Variants in KCNK5 observed in about 807,000 individuals in gnomAD.
KCNK5 encodes the protein potassium two pore domain channel subfamily K member 5.
In KCNK5, 18 loss-of-function variants were observed where a neutral mutation model predicts 32.9. The ratio of observed to expected loss-of-function variants is 0.55; its 90% CI spans 0.38 to 0.81. The LOEUF (loss-of-function observed/expected upper bound fraction) is 0.81. KCNK5 is among the 30% of genes least tolerant of loss of function. The pLI is 0.00. For synonymous variants in KCNK5, 276 were observed against 275.3 expected, an observed-to-expected ratio of 1.00 and a Z score of -0.03; for missense variants, 507 against 651.0, an observed-to-expected ratio of 0.78 and a Z score of 2.41.
chr6:39,195,758 C>T, intron 2 of KCNK5, 118 bp downstream of exon 2: 1 of 637,180 alleles, frequency 1.6e-6, no homozygotes, highest in Non-Finnish European at 2.8e-6. Flanking sequence ...AAAAGAATAG[C>T]CTGCAACTGA....
chr6:39,210,093 G>T (rs1221908431), intron 1 of KCNK5, among the ~76,000 whole-genome samples: 1 of 152,212 alleles, frequency 6.6e-6, no homozygotes, highest in African/African-American at 2.4e-5. Context: ...TTCTAAGTCA[G>T]GCAGGGGAGC....
chr6:39,227,784 G>C (rs1344447650), intron 1 of KCNK5, among the ~76,000 whole-genome samples: 1 of 152,170 alleles, frequency 6.6e-6, no homozygotes, highest in African/African-American at 2.4e-5. Context: ...TGGGGAAACG[G>C]AGGCTGGAAA....
Position 39,204,905 on chromosome 6 carries a change from C to T in KCNK5, c.187-8918G>A, listed in dbSNP as rs143413422. ...CACGCTCAGGAGGGCAAGCCCCTGC[C>T]AGATGGGAGCAGGTTTTCAGCAGAA... On this transcript the variant is annotated intron_variant, in intron 1 of 4. Transcript: ENST00000359534. 3.8e-3 allele frequency among the ~76,000 whole-genome samples: 581 copies of T among 152,312 alleles called. 1 individual carries two copies. Among genetic ancestry groups the T allele is most frequent in the Non-Finnish European group, 5.9e-3 (401 of 68,018 alleles).
chr6:39,227,112 C>T (rs1241143451), intron 1 of KCNK5, among the ~76,000 whole-genome samples: 3 of 151,890 alleles, frequency 2.0e-5, no homozygotes, highest in South Asian at 2.1e-4. Context: ...TGGACCCCGC[C>T]CCCCCCGCCG....
chr6:39,198,489 TA>T (rs1771066507), intron 1 of KCNK5, among the ~76,000 whole-genome samples: 1 of 152,212 alleles, frequency 6.6e-6, no homozygotes. Context: ...TGGCTGGATA[TA>T]GGGGCCAAAA....
At chr6:39,207,060 C>T (rs541668925) in intron 1 of KCNK5, among the ~76,000 whole-genome samples, 13 of 152,304 alleles carry the variant, frequency 8.5e-5, no homozygotes, top group African/African-American at 3.1e-4. Flanking sequence ...TTCCATTTAC[C>T]ACCTCCTGGG....
intron 1 of KCNK5, among the ~76,000 whole-genome samples, chr6:39,211,179 G>A (rs1771331388): frequency 6.6e-6 from 1 of 152,178 alleles, no homozygotes; most frequent in Non-Finnish European, 1.5e-5. Context: ...AAGAGCTGAG[G>A]GATACTTGGT....
Position 39,194,833 on chromosome 6 carries a change from A to G in KCNK5, c.299-73T>C. On this transcript the variant is annotated intron_variant, in intron 2 of 4. Coordinates refer to ENST00000359534, the MANE Select transcript of KCNK5 (RefSeq NM_003740.4). This position sits in a 1 kb window ranked among gnomAD's most constrained non-coding sequence, Gnocchi z 4.7. ...AGTGGGCCTTGCTTCCAACACACAC[A>G]CAGCCCGTTCTCTAAGATAAATTGA... is the stretch of plus-strand genomic sequence containing the variant. 1 of 1,273,232 alleles carries G rather than the reference A, an allele frequency of 7.9e-7. No homozygotes were observed. The highest frequency in any genetic ancestry group is 1.1e-6 in the Non-Finnish European group (1 of 880,674). 78.9% of individuals were successfully genotyped at this position (1,273,232 alleles called of 1,614,324 possible). A position where few individuals can be genotyped will look rare whatever the true frequency, so the allele number is the denominator to read the frequency against.
chr6:39,200,576 T>G (rs115674743), intron 1 of KCNK5, among the ~76,000 whole-genome samples: 4,995 of 152,242 alleles, frequency 0.033, 139 homozygotes, highest in Middle Eastern at 0.082. Context: ...GCTGTTCTCC[T>G]ATCTCCTGTC....
Position 39,191,228 on chromosome 6 carries a change from G to A in KCNK5, c.1162C>T (p.Pro388Ser). ...TCCAGCTGGTTCATGAACACCTCGGGGGCAGGGGAGCTGTCTTCAGGGGCC... is the reference window on the plus strand; with the variant it reads ...TCCAGCTGGTTCATGAACACCTCGGAGGCAGGGGAGCTGTCTTCAGGGGCC... ...ARAPEDSSPA[P>S]EVFMNQLDRI... is the part of the protein sequence containing the mutation. The change falls in exon 5 of 5, where the codon CCC becomes TCC. Residue 388 changes from proline (P) to serine (S), a missense_variant. Pro to Ser is a moderately conservative substitution (Grantham distance 74, BLOSUM62 -1). Coordinates refer to ENST00000359534, the MANE Select transcript of KCNK5 (RefSeq NM_003740.4). This position sits in a 1 kb window ranked among gnomAD's most constrained non-coding sequence, Gnocchi z 5.8. The A allele has an allele frequency of 6.2e-7, 1 of 1,614,164 alleles. No homozygotes were observed. Among genetic ancestry groups the A allele is most frequent in the Non-Finnish European group, 8.5e-7 (1 of 1,180,034 alleles).
chr6:39,204,745 T>G (rs1193473572), intron 1 of KCNK5, among the ~76,000 whole-genome samples: 1 of 152,194 alleles, frequency 6.6e-6, no homozygotes, highest in Non-Finnish European at 1.5e-5. Flanking sequence ...GCCCCACCCC[T>G]GACATTAGCA....
rs1439829469 is a variant in KCNK5 at position 39,204,194 on chromosome 6, A to T, written c.187-8207T>A. 3.9e-5 allele frequency among the ~76,000 whole-genome samples: 6 copies of T among 152,254 alleles called. No homozygotes were observed. The East Asian group carries it at 1.2e-3, about 29-fold the overall frequency. The stretch of plus-strand genomic sequence containing the variant: ...TATCTCTTTTCTCAGATTTGCTCTG[A>T]TATCTATCTGGAGTATGGATCACAT... On this transcript the variant is annotated intron_variant, in intron 1 of 4. Coordinates refer to ENST00000359534, the MANE Select transcript of KCNK5 (RefSeq NM_003740.4).
At chr6:39,219,874 T>C (rs1430863463) in intron 1 of KCNK5, among the ~76,000 whole-genome samples, 1 of 152,194 alleles carries the variant, frequency 6.6e-6, no homozygotes. Context: ...AGGTTGCAAA[T>C]GGTCTAGCTG....
rs112550209 is a variant in KCNK5 at position 39,229,254 on chromosome 6, C to T, written c.-143G>A. The T allele has an allele frequency of 1.5e-3, 1,299 of 880,032 alleles. 17 individuals are homozygous for T. The African/African-American group carries it at 0.02, about 14-fold the overall frequency. The allele number at this position is 880,032 out of a possible 1,614,324, so 54.5% of individuals were successfully genotyped here. A position where few individuals can be genotyped will look rare whatever the true frequency, so the allele number is the denominator to read the frequency against. On this transcript the variant is annotated 5_prime_UTR_variant, in exon 1 of 5. Coordinates refer to ENST00000359534, the MANE Select transcript of KCNK5 (RefSeq NM_003740.4). The stretch of plus-strand genomic sequence containing the variant: ...CCCGGTACTCACCCCCCGCAAGCAC[C>T]GCTCCCCGGACAGAGTTGCTTGGCC...
Position 39,195,958 on chromosome 6 carries a change from C to T in KCNK5, c.216G>A (p.Val72=). The change falls in exon 2 of 5, where the codon GTG becomes GTA. Residue 72 remains valine, a synonymous_variant. Coordinates refer to ENST00000359534, the MANE Select transcript of KCNK5 (RefSeq NM_003740.4). ...EVVSDAAGQG[V]AITGNQTFNN... is the part of the protein sequence containing the mutation. ...TGAAGGTCTGGTTCCCTGTGATGGC[C>T]ACACCCTGTCCTGCAGCATCAGATA... 6.2e-7 allele frequency: 1 copy of T among 1,613,606 alleles called. No individual in the cohort carries two copies. The highest frequency in any genetic ancestry group is 1.1e-5 in the South Asian group (1 of 90,966).
At chr6:39,216,136 T>A (rs1189110705) in intron 1 of KCNK5, among the ~76,000 whole-genome samples, 1 of 151,710 alleles carries the variant, frequency 6.6e-6, no homozygotes, top group African/African-American at 2.4e-5. Context: ...TACAAAAAAA[T>A]TTGCAGGGTG....
Position 39,215,354 on chromosome 6 carries a change from G to A in KCNK5, c.186+13572C>T, listed in dbSNP as rs150757879. ...GAAGGGGGCAGGGATGCTGAGAAGA[G>A]AAGGGCACCCTTCCAAAGCTAACAC... is the stretch of plus-strand genomic sequence containing the variant. On this transcript the variant is annotated intron_variant, in intron 1 of 4. Coordinates refer to ENST00000359534, the MANE Select transcript of KCNK5 (RefSeq NM_003740.4). 7.5e-3 allele frequency among the ~76,000 whole-genome samples: 1,146 copies of A among 152,298 alleles called. 11 individuals carry two copies. Among genetic ancestry groups the A allele is most frequent in the Middle Eastern group, 0.017 (5 of 294 alleles).
intron 1 of KCNK5, among the ~76,000 whole-genome samples, chr6:39,203,186 A>C (rs942328212): frequency 2.0e-5 from 3 of 152,268 alleles, no homozygotes; most frequent in Admixed American, 6.5e-5. Flanking sequence ...GGGTGAGAAC[A>C]CTGTCCCTAA....
At chr6:39,222,826 A>T (rs1771579427) in intron 1 of KCNK5, among the ~76,000 whole-genome samples, 1 of 152,210 alleles carries the variant, frequency 6.6e-6, no homozygotes, top group East Asian at 1.9e-4. Flanking sequence ...GAGACATCTA[A>T]AGTAGTTAAG....
Sources: gnomAD v4.1 joint callset for allele counts (sites outside exome capture counted in the v4.1 genomes callset) on GRCh38, gnomAD v4.1.1 for gene constraint, Gnocchi (gnomAD v3.1) non-coding constraint, MANE v1.5 for transcripts, NCBI Gene and HGNC (gene_info 2026-07-23, HGNC 2026-07-21) for gene names.